Variants in MACO1 observed in about 807,000 individuals in gnomAD.
MACO1 encodes macoilin 1.
MACO1 carries 14 observed loss-of-function variants against 78.7 expected under a neutral mutation model. The observed-to-expected ratio is 0.18, with a 90% CI of 0.12 to 0.28. The LOEUF (loss-of-function observed/expected upper bound fraction) is 0.28. Ranked by LOEUF, MACO1 falls within the 10% of genes least tolerant of loss-of-function variation. The probability of loss-of-function intolerance (pLI) is 1.00; values close to 1 mark genes in which losing one functional copy is unlikely to be tolerated. For synonymous variants in MACO1, 288 were observed against 291.6 expected (o/e 0.99, Z 0.12); for missense variants, 501 against 799.0 (o/e 0.63, Z 4.50).
chr1:25,477,426 T>A (rs979040170), intron 6 of MACO1, among the ~76,000 whole-genome samples: 17 of 152,186 alleles, frequency 1.1e-4, no homozygotes, highest in African/African-American at 3.6e-4. Context: ...TTGAAGCCCC[T>A]TCTCCTACAG....
chr1:25,452,169 A>G (rs2043072503), intron 3 of MACO1, among the ~76,000 whole-genome samples: 1 of 152,140 alleles, frequency 6.6e-6, no homozygotes, highest in African/African-American at 2.4e-5. Flanking sequence ...AAAATGAGGA[A>G]GTTAGACAAA....
At chr1:25,461,574 T>TC (rs995540401) in intron 6 of MACO1, among the ~76,000 whole-genome samples, 53 of 147,796 alleles carry the variant, frequency 3.6e-4, no homozygotes, top group African/African-American at 7.0e-4. Context: ...TTCTCTTCCT[T>TC]CCCCCCCCTC....
intron 6 of MACO1, among the ~76,000 whole-genome samples, chr1:25,475,255 G>C (rs1254331948): frequency 2.0e-5 from 3 of 152,164 alleles, no homozygotes; most frequent in African/African-American, 7.2e-5. Context: ...TGAGGCAGGA[G>C]AATGGCATGA....
chr1:25,479,212 C>T (rs193273256), intron 6 of MACO1, among the ~76,000 whole-genome samples: 185 of 152,172 alleles, frequency 1.2e-3, no homozygotes, highest in Non-Finnish European at 1.9e-3. Context: ...ATACATTTGG[C>T]GATTTTGCAT....
chr1:25,431,015 C>G lies in MACO1; in HGVS notation c.-84C>G. The G allele has an allele frequency of 8.2e-7, 1 of 1,224,942 alleles. No individual in the cohort carries two copies. Among genetic ancestry groups the G allele is most frequent in the Non-Finnish European group, 1.1e-6 (1 of 892,918 alleles). 75.9% of individuals were successfully genotyped at this position (1,224,942 alleles called of 1,614,324 possible). A position where few individuals can be genotyped will look rare whatever the true frequency, so the allele number is the denominator to read the frequency against. ...CCGGCCTCAGGGGTAGAGTCCAGGC[C>G]CGACGCGGGGCGGGCCAGCGGCGGC... On this transcript the variant is annotated 5_prime_UTR_variant, in exon 1 of 11. Transcript: ENST00000374343.
At chr1:25,478,546 A>C (rs2124603215) in intron 6 of MACO1, among the ~76,000 whole-genome samples, 1 of 152,344 alleles carries the variant, frequency 6.6e-6, no homozygotes. Context: ...TTTTGCTTTG[A>C]AGTCAGCCTG....
At chr1:25,487,263 C>T (rs1019833605) in intron 8 of MACO1, among the ~76,000 whole-genome samples, 1 of 152,198 alleles carries the variant, frequency 6.6e-6, no homozygotes, top group Non-Finnish European at 1.5e-5. Context: ...AAGCGATTCT[C>T]CTGCCTCAGC....
chr1:25,486,815 T>C (rs2043437552), intron 8 of MACO1, among the ~76,000 whole-genome samples: 1 of 152,232 alleles, frequency 6.6e-6, no homozygotes, highest in African/African-American at 2.4e-5. Context: ...CATCAGCATC[T>C]ATACAGACTT....
intron 1 of MACO1, among the ~76,000 whole-genome samples, chr1:25,444,577 T>G (rs529712798): frequency 6.6e-6 from 1 of 151,830 alleles, no homozygotes; most frequent in South Asian, 2.1e-4. Context: ...GTCAGTTGTG[T>G]TTTTTTGTTT....
chr1:25,473,634 C>T (rs2043294117), intron 6 of MACO1, among the ~76,000 whole-genome samples: 1 of 152,190 alleles, frequency 6.6e-6, no homozygotes, highest in Non-Finnish European at 1.5e-5. Flanking sequence ...GTCAGTACCT[C>T]TGTTGGCATA....
chr1:25,456,944 G>A, intron 5 of MACO1, 113 bp downstream of exon 5: 2 of 1,080,048 alleles, frequency 1.9e-6, no homozygotes, highest in Non-Finnish European at 2.6e-6. Flanking sequence ...CTGTCTAATG[G>A]TGTTCCTCCT....
chr1:25,434,169 ACAT>A (rs1288146037), intron 1 of MACO1, among the ~76,000 whole-genome samples: 1 of 152,248 alleles, frequency 6.6e-6, no homozygotes, highest in Admixed American at 6.5e-5. Flanking sequence ...TACATATAAA[ACAT>A]CATTTGAAAA....
intron 4 of MACO1, 106 bp from the exon 5 acceptor site, chr1:25,456,547 A>G: frequency 2.6e-6 from 3 of 1,156,344 alleles, no homozygotes; most frequent in Admixed American, 2.6e-5. Context: ...ACCATCATCA[A>G]TTAGAATTTA....
chr1:25,442,009 T>C (rs1219893468), intron 1 of MACO1, among the ~76,000 whole-genome samples: 1 of 152,258 alleles, frequency 6.6e-6, no homozygotes, highest in Non-Finnish European at 1.5e-5. Flanking sequence ...AAATTTATGT[T>C]ATATACCAGT....
chr1:25,444,945 C>T (rs2043002654), intron 1 of MACO1, among the ~76,000 whole-genome samples: 1 of 151,836 alleles, frequency 6.6e-6, no homozygotes, highest in Non-Finnish European at 1.5e-5. Flanking sequence ...GTGAGAATTA[C>T]GAGGGCTCTA....
At chr1:25,484,513 A>G (rs1231309600) in intron 7 of MACO1, among the ~76,000 whole-genome samples, 6 of 152,376 alleles carry the variant, frequency 3.9e-5, no homozygotes, top group African/African-American at 1.2e-4. Context: ...CTCTCATTTA[A>G]TAACTTCTTA....
At chr1:25,470,618 A>G in intron 6 of MACO1, among the ~76,000 whole-genome samples, 1 of 152,190 alleles carries the variant, frequency 6.6e-6, no homozygotes, top group East Asian at 1.9e-4. Context: ...ACAAACAATT[A>G]TCTTGAAAGG....
At chr1:25,480,927 A>AT (rs2043367587) in intron 6 of MACO1, among the ~76,000 whole-genome samples, 1 of 29,906 alleles carries the variant, frequency 3.3e-5, no homozygotes, top group Non-Finnish European at 6.9e-5. Flanking sequence ...AAAAAAAAAA[A>AT]AAATATATAT....
intron 3 of MACO1, among the ~76,000 whole-genome samples, chr1:25,450,146 G>A (rs1467552395): frequency 6.6e-6 from 1 of 152,124 alleles, no homozygotes; most frequent in African/African-American, 2.4e-5. Context: ...TCCCTTCCAC[G>A]TTAACATTTC....
Sources: allele counts gnomAD v4.1 joint callset (sites outside exome capture counted in the v4.1 genomes callset), GRCh38; gene constraint gnomAD v4.1.1; transcripts MANE v1.5; gene names NCBI Gene and HGNC (gene_info 2026-07-23, HGNC 2026-07-21).